The following EMP2 variants were observed in gnomAD, a reference collection of about 807,000 sequenced individuals.
EMP2 encodes the protein epithelial membrane protein 2.
A neutral mutation model predicts 13.7 loss-of-function variants in EMP2; 19 were observed. The ratio of observed to expected loss-of-function variants is 1.38; its 90% CI spans 0.97 to 2.03. The LOEUF (loss-of-function observed/expected upper bound fraction) is 2.03. EMP2 is among the 30% of genes most tolerant of loss of function. The pLI is 0.00. For synonymous variants in EMP2, 97 were observed against 84.7 expected, an observed-to-expected ratio of 1.15 and a Z score of -0.80; for missense variants, 253 against 220.7, an observed-to-expected ratio of 1.15 and a Z score of -0.93.
rs546511646 is a variant in EMP2 at position 10,529,757 on chromosome 16, C to A, written c.*3148G>T. ...ACCAGCCTGACCAACATGGAGAAAC[C>A]CCATCTCTACTAAAAATACAAAAAT... is the stretch of plus-strand genomic sequence containing the variant. On this transcript the variant is annotated 3_prime_UTR_variant, in exon 5 of 5. Coordinates refer to ENST00000359543, the MANE Select transcript of EMP2 (RefSeq NM_001424.6). The A allele has an allele frequency of 2.0e-5, 3 of 151,804 alleles. No homozygotes were observed. The highest frequency in any genetic ancestry group is 4.4e-5 in the Non-Finnish European group (3 of 67,956). The allele number at this position is 151,804 out of a possible 1,614,324, so 9.4% of individuals were successfully genotyped here.
chr16:10,551,004 T>G (rs986651675), intron 1 of EMP2, among the ~76,000 whole-genome samples: 3 of 152,038 alleles, frequency 2.0e-5, no homozygotes, highest in African/African-American at 7.2e-5. Flanking sequence ...AAGTGATATT[T>G]GATAAAATAC....
At chr16:10,571,150 T>G (rs187068809) in intron 1 of EMP2, among the ~76,000 whole-genome samples, 1 of 148,630 alleles carries the variant, frequency 6.7e-6, no homozygotes. Flanking sequence ...CCAGCTACTT[T>G]GGAGGCTTAG....
chr16:10,576,041 A>C (rs1200506870), intron 1 of EMP2, among the ~76,000 whole-genome samples: 1 of 152,154 alleles, frequency 6.6e-6, no homozygotes, highest in African/African-American at 2.4e-5. Context: ...GCCAAAAGCA[A>C]GGACCACTGT....
chr16:10,538,252 C>T (rs1012534026), intron 3 of EMP2, among the ~76,000 whole-genome samples, 178 bp from the exon 4 acceptor site: 2 of 152,178 alleles, frequency 1.3e-5, no homozygotes, highest in African/African-American at 4.8e-5. Flanking sequence ...AGACCCCCTG[C>T]CCCTCACCTC....
chr16:10,537,283 T>A (rs1302168761), intron 4 of EMP2, among the ~76,000 whole-genome samples: 3 of 152,158 alleles, frequency 2.0e-5, no homozygotes, highest in African/African-American at 7.2e-5. Flanking sequence ...TAGAAAAAAA[T>A]GCTCTGAGAC....
chr16:10,529,824 G>A lies in EMP2; in HGVS notation c.*3081C>T, dbSNP rs543273789. The A allele has an allele frequency of 2.6e-5, 4 of 151,710 alleles. No individual in the cohort carries two copies. Among genetic ancestry groups the A allele is most frequent in the Non-Finnish European group, 4.4e-5 (3 of 67,966 alleles). The allele number at this position is 151,710 out of a possible 1,614,324, so 9.4% of individuals were successfully genotyped here. A position where few individuals can be genotyped will look rare whatever the true frequency, so the allele number is the denominator to read the frequency against. ...GACATGCCTGTAATCCCAGCTACTCGGGAGGCTGAGGCAGGAGAATCACTT... is the reference window on the plus strand; with the variant it reads ...GACATGCCTGTAATCCCAGCTACTCAGGAGGCTGAGGCAGGAGAATCACTT... On this transcript the variant is annotated 3_prime_UTR_variant, in exon 5 of 5. Transcript: ENST00000359543.
At chr16:10,558,133 G>T (rs988059088) in intron 1 of EMP2, among the ~76,000 whole-genome samples, 1 of 151,744 alleles carries the variant, frequency 6.6e-6, no homozygotes, top group Admixed American at 6.6e-5. Context: ...GGGCTCAAGC[G>T]ATCCTCCTGC....
intron 3 of EMP2, 137 bp downstream of exon 3, chr16:10,543,433 G>A (rs1165715549): frequency 9.6e-6 from 9 of 937,336 alleles, no homozygotes; most frequent in Non-Finnish European, 1.5e-5. Context: ...AGCACACACT[G>A]AGCAAACGCG....
rs2050610054 is a variant in EMP2 at position 10,532,299 on chromosome 16, C to CA, written c.*605dup. On this transcript the variant is annotated 3_prime_UTR_variant, in exon 5 of 5. Coordinates refer to ENST00000359543, the MANE Select transcript of EMP2 (RefSeq NM_001424.6). ...TAAGGCAAGCAGGTGACACTGTCGGCAAATTGAGGTGAGACTTTTTCTGAC... is the reference window on the plus strand; with the variant it reads ...TAAGGCAAGCAGGTGACACTGTCGGCAAAATTGAGGTGAGACTTTTTCTGAC... The CA allele has an allele frequency of 6.5e-6, 1 of 153,716 alleles. No individual in the cohort carries two copies. 9.5% of individuals were successfully genotyped at this position (153,716 alleles called of 1,614,324 possible).
chr16:10,538,136 A>G (rs2050665153), intron 3 of EMP2, 62 bp from the exon 4 acceptor site: 1 of 1,583,680 alleles, frequency 6.3e-7, no homozygotes, highest in Non-Finnish European at 8.6e-7. Flanking sequence ...TGTGGGGTAC[A>G]CAGCGACCGC....
At chr16:10,578,964 A>C (rs1208169800) in intron 1 of EMP2, among the ~76,000 whole-genome samples, 4 of 152,240 alleles carry the variant, frequency 2.6e-5, no homozygotes. Flanking sequence ...CTCCAGGTGG[A>C]AAGAAGGGGA....
intron 1 of EMP2, among the ~76,000 whole-genome samples, chr16:10,560,887 G>A (rs767641972): frequency 1.2e-4 from 18 of 152,202 alleles, no homozygotes; most frequent in Non-Finnish European, 2.5e-4. Flanking sequence ...TGACCAAGAA[G>A]CTTAAGGGCC....
In EMP2 at chr16:10,538,060, G is replaced by T; in HGVS notation, c.184C>A (p.Gln62Lys). 6.2e-7 allele frequency: 1 copy of T among 1,613,838 alleles called. No individual in the cohort carries two copies. Among genetic ancestry groups the T allele is most frequent in the Non-Finnish European group, 8.5e-7 (1 of 1,179,960 alleles). ...AGGATCATGGTGGCCTGGACCGCCT[G>T]CAGCGTGGAGTACTCTGCGGGAAAA... The part of the protein sequence containing the change: ...NDSFQEYSTL[Q>K]AVQATMILST... Residue 62 changes from glutamine (Q) to lysine (K), a missense_variant, in exon 4 of 5, where the codon CAG becomes AAG. Physicochemically the swap from Gln to Lys is moderately conservative, Grantham distance 53. Transcript: ENST00000359543.
chr16:10,540,525 A>AATAAAT (rs1436768314), intron 3 of EMP2, among the ~76,000 whole-genome samples: 1 of 151,406 alleles, frequency 6.6e-6, no homozygotes, highest in East Asian at 1.9e-4. Flanking sequence ...TAAATAAATA[A>AATAAAT]ACAAATAAAT....
intron 1 of EMP2, among the ~76,000 whole-genome samples, chr16:10,568,784 T>TTC (rs1555460718): frequency 7.2e-6 from 1 of 138,008 alleles, no homozygotes; most frequent in Non-Finnish European, 1.5e-5. Context: ...GATTTTCTTT[T>TTC]TTTTTTTTTT....
At chr16:10,555,778 G>A (rs977213423) in intron 1 of EMP2, among the ~76,000 whole-genome samples, 38 of 152,124 alleles carry the variant, frequency 2.5e-4, no homozygotes, top group African/African-American at 7.0e-4. Context: ...GTAGAGATGG[G>A]GTTTCTCCAT....
intron 1 of EMP2, among the ~76,000 whole-genome samples, chr16:10,569,929 G>A (rs967643829): frequency 1.2e-4 from 19 of 152,148 alleles, no homozygotes; most frequent in African/African-American, 4.6e-4. Context: ...GAGGGAGAGG[G>A]AGCAGCCGCC....
intron 1 of EMP2, among the ~76,000 whole-genome samples, chr16:10,559,381 G>T (rs552261022): frequency 8.8e-4 from 134 of 152,370 alleles, no homozygotes; most frequent in Non-Finnish European, 1.7e-3. Flanking sequence ...CCAGCTCCAT[G>T]CTCACTGTGG....
At chr16:10,565,745 A>AG (rs1348848873) in intron 1 of EMP2, among the ~76,000 whole-genome samples, 3 of 152,154 alleles carry the variant, frequency 2.0e-5, no homozygotes, top group African/African-American at 7.2e-5. Flanking sequence ...ATTTAGCACT[A>AG]GGGCAGATGC....
Sources: allele counts gnomAD v4.1 joint callset (sites outside exome capture counted in the v4.1 genomes callset), GRCh38; gene constraint gnomAD v4.1.1; transcripts MANE v1.5; gene names NCBI Gene and HGNC (gene_info 2026-07-23, HGNC 2026-07-21).